VPS37A: variants seen among roughly 807,000 people sequenced by gnomAD.
VPS37A encodes VPS37A subunit of ESCRT-I.
Under a neutral mutation model 49.8 loss-of-function variants are expected in VPS37A, and 30 were observed. The observed-to-expected ratio is 0.60, with a 90% CI of 0.45 to 0.82. VPS37A has a LOEUF of 0.82. Among genes scored for constraint, VPS37A ranks in the 40% least tolerant of loss-of-function variants. VPS37A has a pLI of 0.00. For synonymous variants in VPS37A, 195 were observed against 160.6 expected (o/e 1.21, Z -1.62); for missense variants, 593 against 464.4 (o/e 1.28, Z -2.55).
At chr8:17,300,678 A>G (rs1192554065), downstream of VPS37A, among the ~76,000 whole-genome samples, 2 of 152,216 alleles carry the variant, frequency 1.3e-5, no homozygotes, top group Non-Finnish European at 2.9e-5. Flanking sequence ...AGTTATATTC[A>G]CAAGGTTGTG....
intron 11 of VPS37A, chr8:17,286,668 C>T (rs1299253480): frequency 2.4e-6 from 1 of 411,512 alleles, no homozygotes; most frequent in South Asian, 3.8e-5. Context: ...ACATTAGCTG[C>T]TAATGTAGAA....
chr8:17,268,614 A>G (rs544474340), intron 3 of VPS37A, among the ~76,000 whole-genome samples: 8 of 152,308 alleles, frequency 5.3e-5, no homozygotes, highest in Non-Finnish European at 8.8e-5. Context: ...GTAAATAGTC[A>G]AGTAAGGAAA....
chr8:17,271,391 G>T (rs1813972365), intron 4 of VPS37A, among the ~76,000 whole-genome samples: 1 of 152,136 alleles, frequency 6.6e-6, no homozygotes, highest in South Asian at 2.1e-4. Flanking sequence ...GGATCACGAG[G>T]TCAGGAGATC....
downstream of VPS37A, chr8:17,299,226 G>A (rs1586119378): frequency 6.6e-6 from 1 of 152,154 alleles, no homozygotes; most frequent in Non-Finnish European, 1.5e-5. Context: ...TAAATAATGA[G>A]GAGAAACAGA....
At chr8:17,319,999 A>G in the VPS37A span, among the ~76,000 whole-genome samples, 29 of 152,338 alleles carry the variant, frequency 1.9e-4, no homozygotes, top group African/African-American at 6.7e-4. Flanking sequence ...TAAAATATGA[A>G]TCAAATTTTA....
At chr8:17,270,889 G>A (rs1813916839) in intron 4 of VPS37A, among the ~76,000 whole-genome samples, 1 of 152,118 alleles carries the variant, frequency 6.6e-6, no homozygotes, top group Non-Finnish European at 1.5e-5. Context: ...TCTCACTTGT[G>A]TTCCTGAAGA....
At chr8:17,299,829 G>A (rs1365546858), downstream of VPS37A, 4 of 1,607,828 alleles carry the variant, frequency 2.5e-6, no homozygotes, top group Non-Finnish European at 2.6e-6. Context: ...TGTTGCTTAT[G>A]TGTCCTTTAC....
downstream of VPS37A, chr8:17,304,403 G>A (rs764676129): frequency 3.1e-6 from 5 of 1,613,836 alleles, no homozygotes; most frequent in East Asian, 1.1e-4. Flanking sequence ...ACATGGTGTT[G>A]TAGGGAGATG....
At chr8:17,282,034 C>T (rs1430924842) in intron 9 of VPS37A, among the ~76,000 whole-genome samples, 1 of 151,900 alleles carries the variant, frequency 6.6e-6, no homozygotes, top group Admixed American at 6.6e-5. Context: ...TTTATCTTAA[C>T]AGTTTATTCT....
the VPS37A span, chr8:17,309,476 T>G: frequency 1.5e-6 from 1 of 654,458 alleles, no homozygotes; most frequent in Non-Finnish European, 2.8e-6. Context: ...TATCCACCCA[T>G]ATAGAGATGC....
At chr8:17,291,200 A>T (rs1474178868) in intron 11 of VPS37A, among the ~76,000 whole-genome samples, 2 of 152,140 alleles carry the variant, frequency 1.3e-5, no homozygotes, top group African/African-American at 4.8e-5. Context: ...TTTAGTAGAG[A>T]TGGGGTTTCA....
downstream of VPS37A, among the ~76,000 whole-genome samples, chr8:17,305,310 A>C (rs975948045): frequency 3.9e-5 from 6 of 152,224 alleles, no homozygotes; most frequent in Non-Finnish European, 2.9e-5. Context: ...ACTTATTTTA[A>C]AGTCCACAAT....
chr8:17,321,108 C>G, the VPS37A span, among the ~76,000 whole-genome samples: 7,976 of 152,246 alleles, frequency 0.052, 631 homozygotes, highest in African/African-American at 0.17. Flanking sequence ...ACCTTGGCAT[C>G]TAAGCTCTGA....
intron 5 of VPS37A, among the ~76,000 whole-genome samples, chr8:17,275,344 T>C (rs1443246127): frequency 6.6e-6 from 1 of 152,222 alleles, no homozygotes; most frequent in Non-Finnish European, 1.5e-5. Flanking sequence ...AACAAATGCA[T>C]GCATTTATGC....
intron 3 of VPS37A, among the ~76,000 whole-genome samples, chr8:17,268,593 C>G (rs1813687826): frequency 6.6e-6 from 1 of 152,082 alleles, no homozygotes. Context: ...CCTTTGAACC[C>G]TCAAATTATT....
intron 11 of VPS37A, among the ~76,000 whole-genome samples, chr8:17,293,809 C>T (rs1258865686): frequency 6.6e-6 from 1 of 152,198 alleles, no homozygotes; most frequent in Non-Finnish European, 1.5e-5. Context: ...TTGCTGCCTG[C>T]TCCTTCCTCT....
At chr8:17,307,272 G>A (rs1158806677), downstream of VPS37A, among the ~76,000 whole-genome samples, 1 of 152,048 alleles carries the variant, frequency 6.6e-6, no homozygotes, top group Non-Finnish European at 1.5e-5. Context: ...GCAGCCAAAA[G>A]ACACATGAAA....
At chr8:17,299,766 T>A (rs564217230), downstream of VPS37A, 69 of 1,513,198 alleles carry the variant, frequency 4.6e-5, no homozygotes, top group Admixed American at 8.8e-4. Context: ...CTCAATGACA[T>A]GCACCATTTC....
the VPS37A span, among the ~76,000 whole-genome samples, chr8:17,321,925 G>A: frequency 6.6e-6 from 1 of 152,308 alleles, no homozygotes; most frequent in African/African-American, 2.4e-5. Flanking sequence ...AATTTACTTA[G>A]AAGAAAATAA....
Sources: allele counts gnomAD v4.1 joint callset (sites outside exome capture counted in the v4.1 genomes callset), GRCh38; gene constraint gnomAD v4.1.1; transcripts MANE v1.5; gene names NCBI Gene and HGNC (gene_info 2026-07-23, HGNC 2026-07-21).